NFATC3: variants seen among roughly 807,000 people sequenced by gnomAD.
NFATC3 encodes the protein nuclear factor of activated T cells 3.
NFATC3 carries 46 observed loss-of-function variants against 98.6 expected under a neutral mutation model. The observed-to-expected ratio is 0.47, with a 90% CI of 0.37 to 0.60. NFATC3 has a LOEUF of 0.60. NFATC3 is among the 20% of genes least tolerant of loss of function. The pLI is 0.00. For missense variants in NFATC3, 1,256 were observed against 1,295.5 expected, an observed-to-expected ratio of 0.97 and a Z score of 0.47; for synonymous variants, 512 against 472.2, an observed-to-expected ratio of 1.08 and a Z score of -1.09.
chr16:68,113,857 C>A (rs1214754394), intron 1 of NFATC3, among the ~76,000 whole-genome samples: 1 of 152,270 alleles, frequency 6.6e-6, no homozygotes, highest in Non-Finnish European at 1.5e-5. Context: ...TGGCCACGAT[C>A]TGCCACCGCC....
chr16:68,124,769 G>T (rs529279140), intron 2 of NFATC3, among the ~76,000 whole-genome samples: 14 of 148,018 alleles, frequency 9.5e-5, no homozygotes, highest in Non-Finnish European at 1.5e-4. Flanking sequence ...TCTCACTGTC[G>T]CCCAGGCTCA....
At chr16:68,148,673 G>C (rs995550367) in intron 3 of NFATC3, among the ~76,000 whole-genome samples, 1 of 152,124 alleles carries the variant, frequency 6.6e-6, no homozygotes, top group Admixed American at 6.6e-5. Flanking sequence ...GGGATGTGAG[G>C]TGAGACTGAA....
intron 1 of NFATC3, among the ~76,000 whole-genome samples, chr16:68,104,443 T>C (rs963866378): frequency 4.6e-5 from 7 of 152,204 alleles, no homozygotes; most frequent in Non-Finnish European, 1.0e-4. Context: ...TTTTACTTTA[T>C]ATAGAATCAT....
chr16:68,094,023 G>A (rs2034874247), intron 1 of NFATC3, among the ~76,000 whole-genome samples: 1 of 152,194 alleles, frequency 6.6e-6, no homozygotes, highest in Admixed American at 6.5e-5. Flanking sequence ...CCTGCTCTAG[G>A]AAATTTTAAA....
intron 9 of NFATC3, 170 bp from the exon 10 acceptor site, chr16:68,226,180 C>A (rs8056649): frequency 4.5e-6 from 3 of 672,118 alleles, no homozygotes; most frequent in African/African-American, 1.9e-5. Flanking sequence ...GTTTGTGGAG[C>A]GATGTTTCCA....
At chr16:68,144,532 A>C (rs1173739012) in intron 3 of NFATC3, among the ~76,000 whole-genome samples, 2 of 152,088 alleles carry the variant, frequency 1.3e-5, no homozygotes, top group Admixed American at 6.6e-5. Context: ...TTTTGTAGAC[A>C]CAGTGGTTCA....
At chr16:68,221,007 C>G (rs1008964242) in intron 9 of NFATC3, among the ~76,000 whole-genome samples, 3 of 152,140 alleles carry the variant, frequency 2.0e-5, no homozygotes, top group African/African-American at 7.2e-5. Context: ...TTGGCTTCCC[C>G]TAGTGTTGGG....
intron 1 of NFATC3, among the ~76,000 whole-genome samples, chr16:68,108,491 A>T (rs1403584928): frequency 6.6e-6 from 1 of 152,164 alleles, no homozygotes; most frequent in Non-Finnish European, 1.5e-5. Flanking sequence ...CTTGTAGTAT[A>T]GTTTGAAGTC....
intron 8 of NFATC3, among the ~76,000 whole-genome samples, chr16:68,185,033 G>A (rs1022779551): frequency 1.3e-5 from 2 of 151,206 alleles, no homozygotes; most frequent in Admixed American, 6.6e-5. Context: ...TCAGGCTTGA[G>A]TACAGTGGTG....
intron 2 of NFATC3, among the ~76,000 whole-genome samples, chr16:68,125,333 G>A (rs1226259893): frequency 6.6e-6 from 1 of 152,166 alleles, no homozygotes; most frequent in Non-Finnish European, 1.5e-5. Flanking sequence ...GTAGACATAC[G>A]AAGTTTTTCT....
chr16:68,222,690 G>A (rs2041915015), intron 9 of NFATC3, among the ~76,000 whole-genome samples: 1 of 152,196 alleles, frequency 6.6e-6, no homozygotes, highest in South Asian at 2.1e-4. Flanking sequence ...TAGCTTCCAA[G>A]TGATTGTATT....
At position 68,107,352 on chromosome 16, in the gene NFATC3, T is replaced by G. The variant is rs181945529; in HGVS notation, c.104-14635T>G. Among the ~76,000 whole-genome samples, 293 of 152,362 alleles carry G rather than the reference T, an allele frequency of 1.9e-3. 4 individuals carry two copies. In the South Asian group the frequency reaches 0.03, roughly 16 times the overall value. On this transcript the variant is annotated intron_variant, in intron 1 of 9. Transcript: ENST00000346183. ...CTGTCTTCCACAATGTTTGAACTAA[T>G]TTACATCCCTACCAAGAGTATAAAA... is the stretch of plus-strand genomic sequence containing the variant.
At chr16:68,138,856 C>T (rs768278878) in intron 3 of NFATC3, 10 of 1,108,564 alleles carry the variant, frequency 9.0e-6, no homozygotes, top group Middle Eastern at 2.5e-4. Flanking sequence ...GTCACTAATA[C>T]GGGCTCTAGA....
At chr16:68,170,273 C>G (rs2039396592) in intron 5 of NFATC3, among the ~76,000 whole-genome samples, 1 of 150,938 alleles carries the variant, frequency 6.6e-6, no homozygotes, top group African/African-American at 2.4e-5. Flanking sequence ...TGCCTGTAGT[C>G]CCAGCTACTT....
In NFATC3 at chr16:68,122,187, G is replaced by A; in HGVS notation, c.304G>A (p.Gly102Ser). 1.9e-6 allele frequency: 3 copies of A among 1,613,994 alleles called. No individual in the cohort carries two copies. The highest frequency in any genetic ancestry group is 2.5e-6 in the Non-Finnish European group (3 of 1,179,990). The change falls in exon 2 of 10, where the codon GGT (glycine) becomes AGT (serine). Residue 102 changes from glycine to serine, a missense_variant. Coordinates refer to ENST00000346183, the MANE Select transcript of NFATC3 (RefSeq NM_173165.3). ...IPESKYSPLG[G>S]PKPFECPSIQ... ...TGAATCTAAATATAGCCCATTAGGT[G>A]GTCCCAAACCCTTTGAGTGCCCAAG...
At chr16:68,226,273 G>C (rs1598643094) in intron 9 of NFATC3, 77 bp from the exon 10 acceptor site, 1 of 1,491,048 alleles carries the variant, frequency 6.7e-7, no homozygotes, top group Non-Finnish European at 8.9e-7. Flanking sequence ...AAATGTCTGA[G>C]GTAGAGCTCA....
intron 1 of NFATC3, 58 bp downstream of exon 1, chr16:68,085,842 C>T (rs565455253): frequency 3.2e-6 from 4 of 1,269,486 alleles, no homozygotes; most frequent in Admixed American, 3.8e-5. Context: ...CGCAGGATCT[C>T]TCGCTCCCTC....
At chr16:68,166,444 A>G (rs2039199054) in intron 4 of NFATC3, among the ~76,000 whole-genome samples, 1 of 152,170 alleles carries the variant, frequency 6.6e-6, no homozygotes, top group Non-Finnish European at 1.5e-5. Context: ...AAAATAGCAA[A>G]AGTGGAAGTT....
intron 5 of NFATC3, among the ~76,000 whole-genome samples, chr16:68,169,251 A>G (rs1312811968): frequency 6.6e-6 from 1 of 152,044 alleles, no homozygotes; most frequent in African/African-American, 2.4e-5. Flanking sequence ...AGCATAGATC[A>G]CTCTATTTTA....
Sources: gnomAD v4.1 joint callset for allele counts (sites outside exome capture counted in the v4.1 genomes callset) on GRCh38, gnomAD v4.1.1 for gene constraint, MANE v1.5 for transcripts, NCBI Gene and HGNC (gene_info 2026-07-23, HGNC 2026-07-21) for gene names.